Variants in DPP10 observed in about 807,000 individuals in gnomAD.
DPP10 encodes the protein inactive dipeptidyl peptidase 10.
Under a neutral mutation model 120.9 loss-of-function variants are expected in DPP10, and 33 were observed. The ratio of observed to expected loss-of-function variants is 0.27; its 90% CI spans 0.21 to 0.37. DPP10 has a LOEUF of 0.37. Among genes scored for constraint, DPP10 ranks in the 10% least tolerant of loss-of-function variants. The pLI is 1.00. For synonymous variants in DPP10, 337 were observed against 326.1 expected, an observed-to-expected ratio of 1.03 and a Z score of -0.36; for missense variants, 816 against 942.8, an observed-to-expected ratio of 0.87 and a Z score of 1.76.
intron 1 of DPP10, among the ~76,000 whole-genome samples, chr2:114,513,881 G>A (rs528462503): frequency 2.5e-4 from 38 of 152,248 alleles, no homozygotes; most frequent in African/African-American, 7.2e-4. Flanking sequence ...AATATCTGGC[G>A]CAGTGTTTTT....
At chr2:115,252,089 A>C (rs1408053064) in intron 1 of DPP10, among the ~76,000 whole-genome samples, 1 of 152,238 alleles carries the variant, frequency 6.6e-6, no homozygotes, top group South Asian at 2.1e-4. Context: ...CAATCGGAAC[A>C]TATCGCCTCA....
At chr2:115,411,201 G>A (rs11674650) in intron 3 of DPP10, among the ~76,000 whole-genome samples, 15 of 151,718 alleles carry the variant, frequency 9.9e-5, no homozygotes, top group African/African-American at 1.9e-4. Context: ...GCATGGTGGC[G>A]CATGCCTGTA....
chr2:115,443,487 ATT>A (rs1232140049), intron 3 of DPP10, among the ~76,000 whole-genome samples: 2 of 152,200 alleles, frequency 1.3e-5, no homozygotes, highest in African/African-American at 4.8e-5. Context: ...AATTGGACAG[ATT>A]TTACTCTAAT....
At chr2:114,922,119 T>A (rs1338453338) in intron 1 of DPP10, among the ~76,000 whole-genome samples, 2 of 152,226 alleles carry the variant, frequency 1.3e-5, no homozygotes, top group Non-Finnish European at 2.9e-5. Flanking sequence ...TTAGCCCTTT[T>A]AATTTTCAGT....
chr2:114,769,250 G>T (rs1249333804), intron 1 of DPP10, among the ~76,000 whole-genome samples: 3 of 152,156 alleles, frequency 2.0e-5, no homozygotes, highest in Middle Eastern at 3.2e-3. Context: ...AGTGGATGTT[G>T]CTTGATAACT....
chr2:114,589,496 T>TA (rs1274847412), intron 1 of DPP10, among the ~76,000 whole-genome samples: 4 of 152,256 alleles, frequency 2.6e-5, no homozygotes, highest in South Asian at 4.1e-4. Flanking sequence ...TCCTTTTCCA[T>TA]AAAAAAGTGC....
At chr2:115,320,794 T>C (rs1250017873) in intron 2 of DPP10, among the ~76,000 whole-genome samples, 1 of 152,124 alleles carries the variant, frequency 6.6e-6, no homozygotes, top group African/African-American at 2.4e-5. Flanking sequence ...TAGGGAGTTA[T>C]CATTACTAGA....
intron 5 of DPP10, among the ~76,000 whole-genome samples, chr2:115,558,626 G>C (rs2080367460): frequency 6.6e-6 from 1 of 151,954 alleles, no homozygotes; most frequent in African/African-American, 2.4e-5. Flanking sequence ...ATACAAAACT[G>C]TACTCATTAT....
At chr2:115,026,548 C>CT (rs1391696133) in intron 1 of DPP10, among the ~76,000 whole-genome samples, 2 of 151,820 alleles carry the variant, frequency 1.3e-5, no homozygotes, top group Non-Finnish European at 2.9e-5. Flanking sequence ...TCTTTGTTTT[C>CT]TTTTTGAGAC....
intron 14 of DPP10, 70 bp from the exon 15 acceptor site, chr2:115,777,717 G>A: frequency 6.6e-7 from 1 of 1,517,232 alleles, no homozygotes; most frequent in Non-Finnish European, 9.1e-7. Flanking sequence ...ATGTGACAAT[G>A]TGACAAAATT....
intron 1 of DPP10, among the ~76,000 whole-genome samples, chr2:114,547,459 T>G (rs1687511913): frequency 6.6e-6 from 1 of 152,104 alleles, no homozygotes; most frequent in Non-Finnish European, 1.5e-5. Flanking sequence ...AATAGCTTTT[T>G]TTTTTTCCTT....
At chr2:115,542,297 G>T (rs996157611) in intron 5 of DPP10, among the ~76,000 whole-genome samples, 6 of 151,826 alleles carry the variant, frequency 4.0e-5, no homozygotes, top group Non-Finnish European at 7.4e-5. Context: ...ATTTTGTCAT[G>T]TTAGGAATGA....
At chr2:115,117,697 T>A (rs1477979817) in intron 1 of DPP10, among the ~76,000 whole-genome samples, 1 of 152,220 alleles carries the variant, frequency 6.6e-6, no homozygotes, top group East Asian at 1.9e-4. Flanking sequence ...AAACGCTTTG[T>A]AAGCTGAACA....
intron 5 of DPP10, among the ~76,000 whole-genome samples, chr2:115,577,745 C>T (rs1172523860): frequency 6.6e-6 from 1 of 152,076 alleles, no homozygotes; most frequent in East Asian, 1.9e-4. Flanking sequence ...GCCATTTTCT[C>T]CTTATATGCT....
chr2:115,257,726 G>A (rs1260644361), intron 1 of DPP10, among the ~76,000 whole-genome samples: 1 of 152,146 alleles, frequency 6.6e-6, no homozygotes, highest in African/African-American at 2.4e-5. Context: ...AGTTTCAGAT[G>A]TTGAGTATTT....
intron 5 of DPP10, among the ~76,000 whole-genome samples, chr2:115,604,731 C>T (rs115175429): frequency 0.012 from 1,891 of 152,012 alleles, 30 homozygotes; most frequent in African/African-American, 0.044. Flanking sequence ...TTTCTAACAT[C>T]GACAGTATAG....
chr2:114,651,275 T>C (rs746075116), intron 1 of DPP10, among the ~76,000 whole-genome samples: 1 of 152,190 alleles, frequency 6.6e-6, no homozygotes, highest in Non-Finnish European at 1.5e-5. Flanking sequence ...GATCTGCCCA[T>C]ATGTTCAAGG....
intron 3 of DPP10, among the ~76,000 whole-genome samples, chr2:115,391,253 A>C (rs1459618256): frequency 6.6e-6 from 1 of 152,194 alleles, no homozygotes; most frequent in Non-Finnish European, 1.5e-5. Flanking sequence ...GATGATTAAC[A>C]ACAGGACTTA....
intron 1 of DPP10, among the ~76,000 whole-genome samples, chr2:114,894,658 A>G (rs1378943296): frequency 6.6e-6 from 1 of 152,180 alleles, no homozygotes; most frequent in African/African-American, 2.4e-5. Context: ...TTTTTAAAGA[A>G]TGATTTCGCG....
Sources: allele counts gnomAD v4.1 joint callset (sites outside exome capture counted in the v4.1 genomes callset), GRCh38; gene constraint gnomAD v4.1.1; transcripts MANE v1.5; gene names NCBI Gene and HGNC (gene_info 2026-07-23, HGNC 2026-07-21).